The following COL25A1 variants were observed in gnomAD, a reference collection of about 807,000 sequenced individuals.
COL25A1 encodes collagen type XXV alpha 1 chain, also known as collagen alpha-1(XXV) chain.
Under a neutral mutation model 128.4 loss-of-function variants are expected in COL25A1, and 103 were observed. The ratio of observed to expected loss-of-function variants is 0.80; its 90% CI spans 0.68 to 0.94. COL25A1 has a LOEUF of 0.94. Ranked by LOEUF, COL25A1 falls within the 40% of genes least tolerant of loss-of-function variation. The pLI is 0.00. For synonymous variants in COL25A1, 279 were observed against 277.2 expected, an observed-to-expected ratio of 1.01 and a Z score of -0.06; for missense variants, 745 against 840.0, an observed-to-expected ratio of 0.89 and a Z score of 1.40.
chr4:109,256,085 G>GGTGTGTGTGTGT lies in COL25A1; in HGVS notation c.367+44486_367+44497dup, dbSNP rs60794002. Among the ~76,000 whole-genome samples the GGTGTGTGTGTGT allele has an allele frequency of 2.4e-3, 345 of 143,350 alleles. 6 individuals carry two copies. Among genetic ancestry groups the GGTGTGTGTGTGT allele is most frequent in the African/African-American group, 8.4e-3 (319 of 37,926 alleles). 94.0% of individuals were successfully genotyped at this position (143,350 alleles called of 152,430 possible). On this transcript the variant is annotated intron_variant, in intron 3 of 37. Coordinates refer to ENST00000399132, the MANE Select transcript of COL25A1 (RefSeq NM_198721.4). ...TGTGGATATTAACATTTTAAGCATT[G>GGTGTGTGTGTGT]GTGTGTGTGTGTGTGTGTGTGTGTG...
At chr4:109,188,516 A>G (rs185083250) in intron 3 of COL25A1, among the ~76,000 whole-genome samples, 1 of 152,302 alleles carries the variant, frequency 6.6e-6, no homozygotes, top group Non-Finnish European at 1.5e-5. Context: ...GCTACACTGG[A>G]TAAAAGCCTA....
At chr4:108,900,206 G>GAA (rs1742674765) in intron 14 of COL25A1, among the ~76,000 whole-genome samples, 5 of 152,132 alleles carry the variant, frequency 3.3e-5, no homozygotes, top group Admixed American at 3.3e-4. Context: ...ATAGCACTGT[G>GAA]AACATGCATT....
At chr4:108,984,773 C>G (rs1307728014) in intron 6 of COL25A1, among the ~76,000 whole-genome samples, 1 of 152,244 alleles carries the variant, frequency 6.6e-6, no homozygotes. Flanking sequence ...CCGGCTCCGG[C>G]CTTGGCCAGC....
At chr4:109,171,791 C>A (rs1031713841) in intron 3 of COL25A1, among the ~76,000 whole-genome samples, 1 of 152,140 alleles carries the variant, frequency 6.6e-6, no homozygotes, top group Non-Finnish European at 1.5e-5. Flanking sequence ...ATAAGATAAT[C>A]CGTTTTCTAC....
intron 27 of COL25A1, among the ~76,000 whole-genome samples, chr4:108,847,094 C>T (rs1735204952): frequency 6.6e-6 from 1 of 151,650 alleles, no homozygotes; most frequent in Non-Finnish European, 1.5e-5. Context: ...TTAGTAGAGA[C>T]GAGGTTTCAC....
At chr4:109,222,059 CTTTTT>C (rs3041336) in intron 3 of COL25A1, among the ~76,000 whole-genome samples, 5 of 85,754 alleles carry the variant, frequency 5.8e-5, no homozygotes, top group East Asian at 7.5e-4. Context: ...TAAATAACTT[CTTTTT>C]TTTTTTTTTT....
At chr4:108,896,320 G>A (rs1742131315) in intron 16 of COL25A1, among the ~76,000 whole-genome samples, 1 of 151,864 alleles carries the variant, frequency 6.6e-6, no homozygotes, top group Non-Finnish European at 1.5e-5. Context: ...AATCACTTTA[G>A]GGTCCCTATT....
chr4:109,258,838 CTCAAATTA>C (rs1426018396), intron 3 of COL25A1, among the ~76,000 whole-genome samples: 1 of 152,176 alleles, frequency 6.6e-6, no homozygotes. Flanking sequence ...TCCTCTCATT[CTCAAATTA>C]TCAAATTCTT....
At chr4:108,879,131 T>C (rs188572454) in intron 19 of COL25A1, among the ~76,000 whole-genome samples, 9 of 152,310 alleles carry the variant, frequency 5.9e-5, no homozygotes, top group Admixed American at 5.2e-4. Context: ...GAGTAAATGC[T>C]TCTGCCACCT....
intron 5 of COL25A1, among the ~76,000 whole-genome samples, chr4:109,041,676 C>A (rs780577699): frequency 2.6e-5 from 4 of 152,106 alleles, no homozygotes; most frequent in African/African-American, 9.7e-5. Flanking sequence ...TGTGACTTGA[C>A]TCTTGCCAAA....
intron 4 of COL25A1, among the ~76,000 whole-genome samples, 200 bp downstream of exon 4, chr4:109,049,935 T>G (rs1208237073): frequency 2.0e-5 from 3 of 152,216 alleles, no homozygotes; most frequent in Non-Finnish European, 4.4e-5. Context: ...CTTTGCAAAC[T>G]TCTCCTTTTT....
chr4:108,942,586 G>A (rs1250286463), intron 8 of COL25A1, among the ~76,000 whole-genome samples: 1 of 151,906 alleles, frequency 6.6e-6, no homozygotes, highest in African/African-American at 2.4e-5. Context: ...TGGGATTACA[G>A]CCATGTGCCA....
Position 108,819,279 on chromosome 4 carries a change from C to A in COL25A1, c.1896G>T (p.Leu632=), listed in dbSNP as rs774443798. 2 of 1,612,690 alleles carry A rather than the reference C, an allele frequency of 1.2e-6. No homozygotes were observed. Among genetic ancestry groups the A allele is most frequent in the South Asian group, 2.2e-5 (2 of 90,914 alleles). ...GEKGEPGQPG[L]DGLDAPCQLG... ...ATTGGCAAGGGGCATCCAGCCCATC[C>A]AGGCCAGGCTGGCCTGGCTCCCCTT... The change falls in exon 36 of 38, where the codon CTG becomes CTT. Residue 632 remains leucine (L), a synonymous_variant. Coordinates refer to ENST00000399132, the MANE Select transcript of COL25A1 (RefSeq NM_198721.4).
intron 4 of COL25A1, among the ~76,000 whole-genome samples, chr4:109,049,911 T>G (rs1208203241): frequency 2.6e-5 from 4 of 152,182 alleles, no homozygotes; most frequent in Admixed American, 6.5e-5. Context: ...GTTACTAAAC[T>G]GCAATTAACA....
intron 16 of COL25A1, among the ~76,000 whole-genome samples, chr4:108,894,947 T>G (rs1741953663): frequency 6.6e-6 from 1 of 152,170 alleles, no homozygotes; most frequent in African/African-American, 2.4e-5. Context: ...CCTGGAGACA[T>G]GTTTGATTGT....
intron 36 of COL25A1, among the ~76,000 whole-genome samples, chr4:108,818,431 T>C (rs1191366305): frequency 6.6e-6 from 1 of 152,094 alleles, no homozygotes; most frequent in Non-Finnish European, 1.5e-5. Context: ...TATTTATACC[T>C]CAGAAAATAT....
At chr4:108,845,301 T>TA (rs1560737122) in intron 28 of COL25A1, 50 bp from the exon 29 acceptor site, 3 of 1,471,436 alleles carry the variant, frequency 2.0e-6, no homozygotes, top group African/African-American at 2.8e-5. Flanking sequence ...ATTTCCAGTG[T>TA]AAGAGACAAC....
At position 109,080,231 on chromosome 4, in the gene COL25A1, A is replaced by G. The variant is rs368770476; in HGVS notation, c.368-30052T>C. 2.0e-3 allele frequency among the ~76,000 whole-genome samples: 300 copies of G among 152,312 alleles called. 1 individual carries two copies. The highest frequency in any genetic ancestry group is 6.9e-3 in the African/African-American group (286 of 41,566). On this transcript the variant is annotated intron_variant, in intron 3 of 37. Coordinates refer to ENST00000399132, the MANE Select transcript of COL25A1 (RefSeq NM_198721.4). ...TTTATAGATAAGAAAACTGAGGCAT[A>G]GTGAAGTTAAATAATTTCTTAACTA...
chr4:108,974,522 C>T lies in COL25A1; in HGVS notation c.465+11G>A, dbSNP rs779103890. On this transcript the variant is annotated intron_variant, in intron 7 of 37. Transcript: ENST00000399132. The stretch of plus-strand genomic sequence containing the variant: ...CTTCACTAACTTTATTTCTGGTATG[C>T]ATTTTCTTACCTTATCGCCTTTTGG... 3.7e-6 allele frequency: 6 copies of T among 1,610,160 alleles called. No homozygotes were observed. Among genetic ancestry groups the T allele is most frequent in the South Asian group, 3.3e-5 (3 of 89,910 alleles).
Sources: gnomAD v4.1 joint callset for allele counts (sites outside exome capture counted in the v4.1 genomes callset) on GRCh38, gnomAD v4.1.1 for gene constraint, MANE v1.5 for transcripts, NCBI Gene and HGNC (gene_info 2026-07-23, HGNC 2026-07-21) for gene names.